Variants in MPPED2 observed in about 807,000 individuals in gnomAD.
MPPED2 encodes the protein metallophosphoesterase MPPED2.
In MPPED2, 5 loss-of-function variants were observed where a neutral mutation model predicts 33.0. That is an observed-to-expected ratio of 0.15 (90% CI 0.08 to 0.32). The LOEUF (loss-of-function observed/expected upper bound fraction) is 0.32, where lower values mean the gene tolerates loss of function less well. Among genes scored for constraint, MPPED2 ranks in the 10% least tolerant of loss-of-function variants. The pLI is 1.00. For synonymous variants in MPPED2, 136 were observed against 141.9 expected, an observed-to-expected ratio of 0.96 and a Z score of 0.29; for missense variants, 275 against 372.1, an observed-to-expected ratio of 0.74 and a Z score of 2.15.
intron 4 of MPPED2, among the ~76,000 whole-genome samples, chr11:30,441,015 C>T (rs938273732): frequency 5.9e-5 from 9 of 152,126 alleles, no homozygotes; most frequent in African/African-American, 1.2e-4. Context: ...TTGACAAACT[C>T]GTGAATCTCC....
intron 4 of MPPED2, among the ~76,000 whole-genome samples, chr11:30,441,851 C>T (rs1240397374): frequency 1.3e-5 from 2 of 152,130 alleles, no homozygotes; most frequent in East Asian, 3.9e-4. Flanking sequence ...GCTTCTTATT[C>T]CTGATTTATC....
At chr11:30,476,580 T>A (rs1364234991) in intron 4 of MPPED2, among the ~76,000 whole-genome samples, 1 of 152,042 alleles carries the variant, frequency 6.6e-6, no homozygotes, top group Non-Finnish European at 1.5e-5. Flanking sequence ...TGTTTCTGGA[T>A]TTACTTTTCT....
At chr11:30,511,430 AAG>A (rs1236798711) in intron 3 of MPPED2, among the ~76,000 whole-genome samples, 2 of 152,230 alleles carry the variant, frequency 1.3e-5, no homozygotes, top group Non-Finnish European at 2.9e-5. Context: ...GGTCCTATGA[AAG>A]AGAGTAACAG....
rs145499427 is a variant in MPPED2, at chr11:30,475,740, A to C, written c.536+19556T>G. On this transcript the variant is annotated intron_variant, in intron 4 of 6. Coordinates refer to ENST00000358117, the MANE Select transcript of MPPED2 (RefSeq NM_001584.3). ...TTTGTGTACAAGTCTTTATGTGGAC[A>C]TACATTTTTATTTGTCTTGAGTACA... Among the ~76,000 whole-genome samples, 63 of 152,264 alleles carry C rather than the reference A, an allele frequency of 4.1e-4. 1 individual carries two copies. Among genetic ancestry groups the C allele is most frequent in the Non-Finnish European group, 8.1e-4 (55 of 67,990 alleles).
At chr11:30,539,111 C>T (rs1035450888) in intron 2 of MPPED2, among the ~76,000 whole-genome samples, 1 of 152,112 alleles carries the variant, frequency 6.6e-6, no homozygotes, top group Non-Finnish European at 1.5e-5. Context: ...GGAAACTACT[C>T]CTCCCAAATT....
Position 30,580,434 on chromosome 11 carries a change from A to G in MPPED2, c.-61T>C. 1 of 1,597,164 alleles carries G rather than the reference A, an allele frequency of 6.3e-7. No homozygotes were observed. The highest frequency in any genetic ancestry group is 8.6e-7 in the Non-Finnish European group (1 of 1,169,292). The stretch of plus-strand genomic sequence containing the variant: ...TACAGAGCAAAAGATGGAAGCAGGC[A>G]TGGTGCGTTTCAGCCAACCTCTGAA... On this transcript the variant is annotated 5_prime_UTR_variant, in exon 2 of 7. It removes an upstream start codon present in the reference 5' UTR. Transcript: ENST00000358117.
At chr11:30,579,818 T>G (rs1382655188) in intron 2 of MPPED2, among the ~76,000 whole-genome samples, 1 of 126,128 alleles carries the variant, frequency 7.9e-6, no homozygotes, top group African/African-American at 3.2e-5. Context: ...GCTAGTGGGG[T>G]GAGGTGTGGG....
At chr11:30,554,600 C>G (rs559054140) in intron 2 of MPPED2, among the ~76,000 whole-genome samples, 1 of 2,630 alleles carries the variant, frequency 3.8e-4, no homozygotes, top group Non-Finnish European at 6.3e-4. Context: ...AGGAGATTCT[C>G]GTGCCTCACT....
At chr11:30,483,699 A>G (rs950027599) in intron 4 of MPPED2, among the ~76,000 whole-genome samples, 10 of 152,212 alleles carry the variant, frequency 6.6e-5, no homozygotes, top group African/African-American at 2.4e-4. Context: ...TTAAATCATT[A>G]AGACAATAAA....
chr11:30,397,700 A>G (rs1947855614), intron 6 of MPPED2, among the ~76,000 whole-genome samples: 1 of 152,104 alleles, frequency 6.6e-6, no homozygotes, highest in Non-Finnish European at 1.5e-5. Flanking sequence ...TACACTTATC[A>G]CTCCCATTTT....
chr11:30,420,153 A>C (rs113329946), intron 4 of MPPED2, among the ~76,000 whole-genome samples: 5 of 152,278 alleles, frequency 3.3e-5, no homozygotes, highest in African/African-American at 1.2e-4. Flanking sequence ...AAATAGTAAG[A>C]TTATCCTGGA....
chr11:30,529,692 G>A (rs1954407583), intron 3 of MPPED2, among the ~76,000 whole-genome samples: 2 of 152,192 alleles, frequency 1.3e-5, no homozygotes, highest in Admixed American at 6.5e-5. Flanking sequence ...AAAATAAACA[G>A]CCTTGGCGGT....
rs559481703 is a variant in MPPED2 at position 30,508,362 on chromosome 11, A to C, written c.311-12841T>G. ...CTACATTTGCCTTAAATTGTTCATTAAAAAACATGTAAATTTCTCTCCCTC... is the reference window on the plus strand; with the variant it reads ...CTACATTTGCCTTAAATTGTTCATTCAAAAACATGTAAATTTCTCTCCCTC... On this transcript the variant is annotated intron_variant, in intron 3 of 6. Transcript: ENST00000358117. Among the ~76,000 whole-genome samples, 9 of 152,326 alleles carry C rather than the reference A, an allele frequency of 5.9e-5. No homozygotes were observed. In the East Asian group the frequency reaches 1.7e-3, roughly 29 times the overall value.
chr11:30,385,248 A>T (rs1381862123), exon 7 of MPPED2: 1 of 152,174 alleles, frequency 6.6e-6, no homozygotes, highest in Non-Finnish European at 1.5e-5. Context: ...TCAAGGTACT[A>T]GTTTAGGTGA....
chr11:30,495,066 A>G (rs1416154222), intron 4 of MPPED2: 4 of 522,470 alleles, frequency 7.7e-6, no homozygotes, highest in Non-Finnish European at 1.4e-5. Flanking sequence ...ATGACTGTAT[A>G]TATCTAGGAA....
At chr11:30,499,233 CCATCTGTTTG>C (rs148064183) in intron 3 of MPPED2, among the ~76,000 whole-genome samples, 1,735 of 152,284 alleles carry the variant, frequency 0.011, 19 homozygotes, top group Non-Finnish European at 0.017. Context: ...TCCCATCACA[CCATCTGTTTG>C]CATCTTCTTA....
chr11:30,410,260 C>T lies in MPPED2; in HGVS notation c.*1208G>A, dbSNP rs1948054962. ...TGCAATTTTATTTGCATATAAAGGC[C>T]GCTAGATATAGAATATCACAATAAA... On this transcript the variant is annotated 3_prime_UTR_variant, in exon 7 of 7. Coordinates refer to ENST00000358117, the MANE Select transcript of MPPED2 (RefSeq NM_001584.3). 11 of 985,482 alleles carry T rather than the reference C, an allele frequency of 1.1e-5. No individual in the cohort carries two copies. The highest frequency in any genetic ancestry group is 5.2e-5 in the African/African-American group (3 of 57,270). The allele number at this position is 985,482 out of a possible 1,614,324, so 61.0% of individuals were successfully genotyped here. A position where few individuals can be genotyped will look rare whatever the true frequency, so the allele number is the denominator to read the frequency against.
chr11:30,566,209 C>T (rs1956436389), intron 2 of MPPED2, among the ~76,000 whole-genome samples: 1 of 152,146 alleles, frequency 6.6e-6, no homozygotes, highest in South Asian at 2.1e-4. Flanking sequence ...TAATTTAATG[C>T]TTCTGACCGA....
intron 4 of MPPED2, among the ~76,000 whole-genome samples, chr11:30,426,526 G>A (rs1213107937): frequency 6.6e-6 from 1 of 152,172 alleles, no homozygotes. Context: ...GCCCAGTGAG[G>A]ATGGGCTCAG....
Sources: allele counts gnomAD v4.1 joint callset (sites outside exome capture counted in the v4.1 genomes callset), GRCh38; gene constraint gnomAD v4.1.1; transcripts MANE v1.5; gene names NCBI Gene and HGNC (gene_info 2026-07-23, HGNC 2026-07-21).